Variants in IPO8 observed in about 807,000 individuals in gnomAD.
IPO8 encodes importin 8, also known as importin-8.
IPO8 carries 65 observed loss-of-function variants against 141.2 expected under a neutral mutation model. The ratio of observed to expected loss-of-function variants is 0.46; its 90% confidence interval spans 0.38 to 0.57. The LOEUF is 0.57. Among genes scored for constraint, IPO8 ranks in the 20% least tolerant of loss-of-function variants. The probability of loss-of-function intolerance (pLI) is 0.00; values close to 1 mark genes in which losing one functional copy is unlikely to be tolerated. For missense variants in IPO8, 980 were observed against 1,246.8 expected (o/e 0.79, Z 3.22); for synonymous variants, 411 against 420.3 (o/e 0.98, Z 0.27).
intron 16 of IPO8, among the ~76,000 whole-genome samples, chr12:30,659,875 C>T (rs1482285984): frequency 6.9e-6 from 1 of 145,298 alleles, no homozygotes; most frequent in Non-Finnish European, 1.5e-5. Context: ...AAAAAAAAAC[C>T]CACAAAATCA....
chr12:30,686,683 A>G (rs780795933), intron 2 of IPO8: 3 of 152,220 alleles, frequency 2.0e-5, no homozygotes, highest in Non-Finnish European at 4.4e-5. Context: ...AAAATCAACT[A>G]TATTAGTCAC....
intron 5 of IPO8, among the ~76,000 whole-genome samples, chr12:30,678,009 G>A (rs748983677): frequency 2.0e-5 from 3 of 151,570 alleles, no homozygotes; most frequent in Non-Finnish European, 4.4e-5. Context: ...GGTGGCAGGC[G>A]CCTGTAAATC....
intron 24 of IPO8, among the ~76,000 whole-genome samples, chr12:30,631,350 C>T (rs1469722022): frequency 6.6e-6 from 1 of 152,144 alleles, no homozygotes; most frequent in Non-Finnish European, 1.5e-5. Flanking sequence ...TGCCATGTTT[C>T]CTACTAAAAT....
At chr12:30,679,588 A>G (rs1235933098) in intron 5 of IPO8, among the ~76,000 whole-genome samples, 1 of 33,888 alleles carries the variant, frequency 3.0e-5, no homozygotes, top group Non-Finnish European at 6.5e-5. Context: ...CTCTGGGGGA[A>G]AAAAAAAAAT....
At chr12:30,638,688 ATGGAGTCTCACTC>A (rs1330970514) in intron 21 of IPO8, among the ~76,000 whole-genome samples, 1 of 151,804 alleles carries the variant, frequency 6.6e-6, no homozygotes, top group Non-Finnish European at 1.5e-5. Flanking sequence ...TTTTTTTGAG[ATGGAGTCTCACTC>A]TGTCGCCCAG....
chr12:30,645,459 A>C (rs1303775849), intron 20 of IPO8, among the ~76,000 whole-genome samples: 1 of 152,116 alleles, frequency 6.6e-6, no homozygotes, highest in African/African-American at 2.4e-5. Flanking sequence ...TCAATAATCT[A>C]ACCTGTTACT....
intron 12 of IPO8, 135 bp downstream of exon 12, chr12:30,665,594 A>T: frequency 1.6e-6 from 1 of 641,338 alleles, no homozygotes; most frequent in Non-Finnish European, 2.7e-6. Flanking sequence ...GAAATAGATG[A>T]CAGAAAGGAG....
intron 8 of IPO8, among the ~76,000 whole-genome samples, chr12:30,672,905 G>A (rs1029189965): frequency 6.6e-6 from 1 of 151,786 alleles, no homozygotes; most frequent in African/African-American, 2.4e-5. Context: ...TCCATCTCAA[G>A]ACAACAGGTT....
At chr12:30,643,515 T>C (rs898499251) in intron 20 of IPO8, among the ~76,000 whole-genome samples, 2 of 152,192 alleles carry the variant, frequency 1.3e-5, no homozygotes, top group South Asian at 2.1e-4. Context: ...ATGTTGAAAT[T>C]TGATCCCCAG....
intron 21 of IPO8, 36 bp downstream of exon 21, chr12:30,639,477 GAA>G (rs1336224824): frequency 7.1e-7 from 1 of 1,404,180 alleles, no homozygotes; most frequent in African/African-American, 1.4e-5. Flanking sequence ...AAACTTTCCA[GAA>G]ACAGAAAAGC....
At position 30,676,603 on chromosome 12, in the gene IPO8, A is replaced by C. The variant is rs746692681; in HGVS notation, c.640-16T>G. ...GCAATGCATACTGGAAAAGAGAAGA[A>C]CAACATGAACAGTAATTCCTCCCAT... is the stretch of plus-strand genomic sequence containing the variant. On this transcript the variant is annotated splice_polypyrimidine_tract_variant and intron_variant, in intron 5 of 24. Coordinates refer to ENST00000256079, the MANE Select transcript of IPO8 (RefSeq NM_006390.4). The C allele has an allele frequency of 2.6e-6, 4 of 1,554,336 alleles. No individual in the cohort carries two copies. The highest frequency in any genetic ancestry group is 3.6e-6 in the Non-Finnish European group (4 of 1,125,788).
rs1389108705 is a variant in IPO8, at chr12:30,662,347, C to G, written c.1735G>C (p.Val579Leu). The G allele has an allele frequency of 1.2e-6, 2 of 1,613,572 alleles. No homozygotes were observed. The highest frequency in any genetic ancestry group is 1.7e-6 in the Non-Finnish European group (2 of 1,179,840). Residue 579 changes from valine to leucine, a missense_variant, in exon 15 of 25, where the codon GTT becomes CTT. Around this residue, in one of 3 missense-constraint regions of IPO8, gnomAD observed 924 missense variants for 1,153.9 expected, o/e 0.80. Coordinates refer to ENST00000256079, the MANE Select transcript of IPO8 (RefSeq NM_006390.4). The stretch of plus-strand genomic sequence containing the variant: ...CTTACCAAGTGTTGGGTCATATCAA[C>G]AGCAATTGAGGCTACCTCTTGACTG... ...EYSQEVASIA[V>L]DMTQHLAEIF...
At chr12:30,653,207 G>A in intron 17 of IPO8, 115 bp from the exon 18 acceptor site, 1 of 815,044 alleles carries the variant, frequency 1.2e-6, no homozygotes, top group Non-Finnish European at 1.9e-6. Flanking sequence ...TCTATCCAAT[G>A]TACTCATAAG....
At chr12:30,657,843 A>G (rs1429389191) in intron 16 of IPO8, among the ~76,000 whole-genome samples, 1 of 152,172 alleles carries the variant, frequency 6.6e-6, no homozygotes, top group Non-Finnish European at 1.5e-5. Context: ...AAAAATATAC[A>G]CATTCACTTT....
At chr12:30,674,893 T>C in intron 6 of IPO8, 140 bp from the exon 7 acceptor site, 4 of 652,404 alleles carry the variant, frequency 6.1e-6, no homozygotes, top group Non-Finnish European at 1.1e-5. Flanking sequence ...AAATTCTTTA[T>C]AGATTGCTAG....
chr12:30,634,138 T>G lies in IPO8; in HGVS notation c.2844A>C (p.Pro948=), dbSNP rs1321230006. ...CATCCACACTATTGTCAAGGTCAAGTGGAGTACTGAACCCCTCAAGCGCGG... is the reference window on the plus strand; with the variant it reads ...CATCCACACTATTGTCAAGGTCAAGGGGAGTACTGAACCCCTCAAGCGCGG... The part of the protein sequence containing the change: ...EETALEGFST[P]LDLDNSVDEY... Residue 948 remains proline (P), a synonymous_variant, in exon 23 of 25, where the codon CCA becomes CCC. Coordinates refer to ENST00000256079, the MANE Select transcript of IPO8 (RefSeq NM_006390.4). 6.2e-7 allele frequency: 1 copy of G among 1,614,020 alleles called. No homozygotes were observed. The highest frequency in any genetic ancestry group is 8.5e-7 in the Non-Finnish European group (1 of 1,179,922).
rs911571161 is a variant in IPO8, at chr12:30,630,126, G to C, written c.*734C>G. 2 of 152,164 alleles carry C rather than the reference G, an allele frequency of 1.3e-5. No homozygotes were observed. The highest frequency in any genetic ancestry group is 4.8e-5 in the African/African-American group (2 of 41,440). 9.4% of individuals were successfully genotyped at this position (152,164 alleles called of 1,614,324 possible). A position where few individuals can be genotyped will look rare whatever the true frequency, so the allele number is the denominator to read the frequency against. The stretch of plus-strand genomic sequence containing the variant: ...GTCCTGAACTTACAAGGTTAGGAGT[G>C]AAACTGATATGTGTATTTGTTGACC... On this transcript the variant is annotated 3_prime_UTR_variant, in exon 25 of 25. Transcript: ENST00000256079.
At position 30,695,829 on chromosome 12, in the gene IPO8, CT is replaced by C. The variant is rs910504453; in HGVS notation, c.-183del. The stretch of plus-strand genomic sequence containing the variant: ...TCTGACTCCGCGCCCCCTGTCCTCC[CT>C]TTTTCCCCCCCACAACTCGCTCTCC... On this transcript the variant is annotated 5_prime_UTR_variant, in exon 1 of 25. The change creates a premature stop within an existing upstream ORF in the 5' untranslated region. Coordinates refer to ENST00000256079, the MANE Select transcript of IPO8 (RefSeq NM_006390.4). The surrounding 1 kb of genome is among the most constrained non-coding windows in gnomAD (Gnocchi z 4.2). 46 of 539,994 alleles carry C rather than the reference CT, an allele frequency of 8.5e-5. No individual in the cohort carries two copies. The highest frequency in any genetic ancestry group is 3.0e-4 in the African/African-American group (15 of 50,750). The allele number at this position is 539,994 out of a possible 1,614,324, so 33.5% of individuals were successfully genotyped here.
intron 20 of IPO8, among the ~76,000 whole-genome samples, chr12:30,647,913 T>C (rs2052671582): frequency 6.6e-6 from 1 of 152,050 alleles, no homozygotes; most frequent in African/African-American, 2.4e-5. Flanking sequence ...ATCATAAAAA[T>C]GCAAATAAAA....
Sources: gnomAD v4.1 joint callset for allele counts (sites outside exome capture counted in the v4.1 genomes callset) on GRCh38, gnomAD v4.1.1 for gene constraint, gnomAD v4.1.1 regional missense constraint, Gnocchi (gnomAD v3.1) non-coding constraint, MANE v1.5 for transcripts, NCBI Gene and HGNC (gene_info 2026-07-23, HGNC 2026-07-21) for gene names.